ASIC2: variants seen among roughly 807,000 people sequenced by gnomAD.
The protein encoded by ASIC2 is acid sensing ion channel subunit 2.
In ASIC2, 25 loss-of-function variants were observed where a neutral mutation model predicts 57.3. The ratio of observed to expected loss-of-function variants is 0.44; its 90% confidence interval spans 0.32 to 0.61. The LOEUF is 0.61. Among genes scored for constraint, ASIC2 ranks in the 20% least tolerant of loss-of-function variants. ASIC2 has a pLI of 0.06. For synonymous variants in ASIC2, 319 were observed against 307.5 expected, an observed-to-expected ratio of 1.04 and a Z score of -0.39; for missense variants, 641 against 738.1, an observed-to-expected ratio of 0.87 and a Z score of 1.52.
chr17:33,488,183 G>A (rs552991540), intron 1 of ASIC2, among the ~76,000 whole-genome samples: 1 of 152,116 alleles, frequency 6.6e-6, no homozygotes, highest in African/African-American at 2.4e-5. Flanking sequence ...AGAGGCAGAG[G>A]CAGTATTAGA....
chr17:33,673,464 C>T (rs1907704643), intron 1 of ASIC2, among the ~76,000 whole-genome samples: 1 of 152,148 alleles, frequency 6.6e-6, no homozygotes, highest in South Asian at 2.1e-4. Flanking sequence ...AATATCAGAG[C>T]TGAAAGGCAT....
chr17:33,634,479 A>T (rs1439915073), intron 1 of ASIC2, among the ~76,000 whole-genome samples: 1 of 151,338 alleles, frequency 6.6e-6, no homozygotes, highest in Non-Finnish European at 1.5e-5. Context: ...ATGAGGCTTG[A>T]TACTGGATAT....
intron 1 of ASIC2, among the ~76,000 whole-genome samples, chr17:33,870,865 A>G (rs551126204): frequency 6.6e-6 from 1 of 152,214 alleles, no homozygotes; most frequent in Admixed American, 6.5e-5. Context: ...TGTAGGCTTA[A>G]TATAAGTGCT....
chr17:33,080,257 G>A (rs1250133807), intron 3 of ASIC2, among the ~76,000 whole-genome samples: 2 of 152,048 alleles, frequency 1.3e-5, no homozygotes. Context: ...TCTCAGGGAG[G>A]GTGTGGTCCA....
At chr17:33,896,706 C>T (rs1915108305) in intron 1 of ASIC2, among the ~76,000 whole-genome samples, 1 of 152,198 alleles carries the variant, frequency 6.6e-6, no homozygotes, top group Non-Finnish European at 1.5e-5. Flanking sequence ...CTTTGGGCAT[C>T]TCACTAATCT....
chr17:33,090,946 A>G (rs2092155195), intron 2 of ASIC2, among the ~76,000 whole-genome samples: 1 of 152,214 alleles, frequency 6.6e-6, no homozygotes, highest in South Asian at 2.1e-4. Flanking sequence ...CAGGCAATCT[A>G]CAAACACATC....
At chr17:33,728,417 GT>G (rs1909631844) in intron 1 of ASIC2, among the ~76,000 whole-genome samples, 1 of 152,154 alleles carries the variant, frequency 6.6e-6, no homozygotes, top group Non-Finnish European at 1.5e-5. Context: ...CTGTGATCTT[GT>G]TTTAACAGGG....
chr17:33,898,220 CTTTTTTTTTTTTTTTTTT>C (rs771624171), intron 1 of ASIC2, among the ~76,000 whole-genome samples: 3 of 66,184 alleles, frequency 4.5e-5, no homozygotes, highest in African/African-American at 1.8e-4. Context: ...CATGTATAAT[CTTTTTTTTTTTTTTTTTT>C]TTTTTTTTTT....
intron 1 of ASIC2, among the ~76,000 whole-genome samples, chr17:33,481,113 C>T (rs1324515903): frequency 6.6e-6 from 1 of 152,220 alleles, no homozygotes; most frequent in Non-Finnish European, 1.5e-5. Flanking sequence ...CCATCTTGCA[C>T]AATTCATTGA....
chr17:33,163,498 A>G (rs1905221053), intron 1 of ASIC2, among the ~76,000 whole-genome samples: 2 of 151,826 alleles, frequency 1.3e-5, no homozygotes, highest in African/African-American at 4.8e-5. Context: ...GCCACTGCTG[A>G]TGGGGGAGGG....
chr17:33,920,600 C>T (rs567200561), intron 1 of ASIC2, among the ~76,000 whole-genome samples: 12 of 152,162 alleles, frequency 7.9e-5, no homozygotes, highest in East Asian at 7.7e-4. Context: ...AATGACCTAT[C>T]GGGTACTATG....
At chr17:33,593,433 T>C (rs1214702336) in intron 1 of ASIC2, among the ~76,000 whole-genome samples, 1 of 152,230 alleles carries the variant, frequency 6.6e-6, no homozygotes, top group African/African-American at 2.4e-5. Flanking sequence ...TGTGCTTTTG[T>C]AAAGAGCCTC....
At chr17:33,532,443 T>A (rs973418922) in intron 1 of ASIC2, among the ~76,000 whole-genome samples, 1 of 152,108 alleles carries the variant, frequency 6.6e-6, no homozygotes. Flanking sequence ...CAGGACTGGG[T>A]TTGATTAAAA....
At chr17:33,050,748 T>C (rs1019322211) in intron 3 of ASIC2, among the ~76,000 whole-genome samples, 1 of 152,056 alleles carries the variant, frequency 6.6e-6, no homozygotes, top group African/African-American at 2.4e-5. Context: ...GCCTGGCTAC[T>C]TGAGATTGTT....
intron 1 of ASIC2, among the ~76,000 whole-genome samples, chr17:33,347,189 G>C (rs992898455): frequency 6.6e-6 from 1 of 152,062 alleles, no homozygotes; most frequent in South Asian, 2.1e-4. Context: ...TGAAGGAGTG[G>C]GGACACTTCA....
At chr17:33,310,607 T>C (rs1906370716) in intron 1 of ASIC2, among the ~76,000 whole-genome samples, 1 of 152,176 alleles carries the variant, frequency 6.6e-6, no homozygotes, top group African/African-American at 2.4e-5. Context: ...TCTGAAGAAG[T>C]TGGACACTGA....
intron 1 of ASIC2, among the ~76,000 whole-genome samples, chr17:33,478,375 C>T (rs1488296845): frequency 1.3e-5 from 2 of 152,202 alleles, no homozygotes; most frequent in Non-Finnish European, 2.9e-5. Flanking sequence ...ACATCAAACA[C>T]GAACTACCGT....
chr17:33,080,731 A>ATT (rs1200760855), intron 3 of ASIC2, among the ~76,000 whole-genome samples: 11 of 152,194 alleles, frequency 7.2e-5, no homozygotes, highest in Non-Finnish European at 1.2e-4. Context: ...AAGCACTGCC[A>ATT]TACCTTGATG....
intron 1 of ASIC2, among the ~76,000 whole-genome samples, chr17:33,532,151 G>A (rs1193923104): frequency 6.6e-6 from 1 of 152,200 alleles, no homozygotes; most frequent in South Asian, 2.1e-4. Context: ...GTGAGGCTGA[G>A]TCCACTAAGC....
Sources: allele counts gnomAD v4.1 joint callset (sites outside exome capture counted in the v4.1 genomes callset), GRCh38; gene constraint gnomAD v4.1.1; transcripts MANE v1.5; gene names NCBI Gene and HGNC (gene_info 2026-07-23, HGNC 2026-07-21).